Variants in PRKG1 observed in about 807,000 individuals in gnomAD.
PRKG1 encodes cGMP-dependent protein kinase 1.
Under a neutral mutation model 88.1 loss-of-function variants are expected in PRKG1, and 35 were observed. The observed-to-expected ratio is 0.40, with a 90% CI of 0.30 to 0.53. The LOEUF (loss-of-function observed/expected upper bound fraction) is 0.53, where lower values mean the gene tolerates loss of function less well. Ranked by LOEUF, PRKG1 falls within the 20% of genes least tolerant of loss-of-function variation. The pLI is 0.59. For synonymous variants in PRKG1, 303 were observed against 292.5 expected, an observed-to-expected ratio of 1.04 and a Z score of -0.37; for missense variants, 540 against 839.8, an observed-to-expected ratio of 0.64 and a Z score of 4.41.
At chr10:51,181,224 AT>A (rs1223588085) in intron 2 of PRKG1, among the ~76,000 whole-genome samples, 79 of 78,274 alleles carry the variant, frequency 1.0e-3, no homozygotes, top group East Asian at 7.2e-3. Flanking sequence ...ATTATATAGA[AT>A]TTTTTTTTTT....
chr10:51,938,277 T>C (rs1315336044), intron 5 of PRKG1, among the ~76,000 whole-genome samples: 2 of 152,038 alleles, frequency 1.3e-5, no homozygotes, highest in Non-Finnish European at 2.9e-5. Context: ...TAGTTATTAG[T>C]CTCTTACTGT....
chr10:52,052,133 A>G (rs1846002307), intron 5 of PRKG1, among the ~76,000 whole-genome samples: 1 of 152,168 alleles, frequency 6.6e-6, no homozygotes, highest in Non-Finnish European at 1.5e-5. Flanking sequence ...CATATTTCAA[A>G]TGCTCAGTAG....
At chr10:51,749,928 T>C (rs371782378) in intron 3 of PRKG1, among the ~76,000 whole-genome samples, 3 of 149,824 alleles carry the variant, frequency 2.0e-5, no homozygotes, top group South Asian at 4.2e-4. Flanking sequence ...GTATCTCTAA[T>C]AGTCTTTTTT....
chr10:51,131,332 G>C (rs1485739668), intron 1 of PRKG1, among the ~76,000 whole-genome samples: 1 of 152,082 alleles, frequency 6.6e-6, no homozygotes. Flanking sequence ...TTCTGAGGAA[G>C]GCCTCAAAAA....
In PRKG1 at chr10:51,301,214, C is replaced by T. The variant is rs183976739; in HGVS notation, c.478+147884C>T. ...AAGAAATCATTGTGCTCTGCTTAAG[C>T]CCCATGCTGAGTTCATTTTACTGAC... On this transcript the variant is annotated intron_variant, in intron 2 of 17. Transcript: ENST00000373980. 7.2e-4 allele frequency among the ~76,000 whole-genome samples: 109 copies of T among 152,238 alleles called. 1 individual carries two copies. The highest frequency in any genetic ancestry group is 2.4e-3 in the African/African-American group (101 of 41,556).
At chr10:51,763,559 T>C (rs972147901) in intron 3 of PRKG1, among the ~76,000 whole-genome samples, 3 of 149,832 alleles carry the variant, frequency 2.0e-5, no homozygotes, top group Non-Finnish European at 4.4e-5. Context: ...AGCCACATTA[T>C]ATATTTTAAA....
chr10:51,457,827 A>T (rs1839630073), intron 2 of PRKG1, among the ~76,000 whole-genome samples: 1 of 152,068 alleles, frequency 6.6e-6, no homozygotes. Context: ...TCTTACCCTC[A>T]GTTTTTCCTT....
At chr10:51,120,540 T>C (rs1845236320) in intron 1 of PRKG1, among the ~76,000 whole-genome samples, 1 of 152,122 alleles carries the variant, frequency 6.6e-6, no homozygotes, top group Admixed American at 6.6e-5. Flanking sequence ...GCTGAAAAGT[T>C]CAGCTCTGTC....
intron 1 of PRKG1, among the ~76,000 whole-genome samples, chr10:51,028,773 T>C (rs1468288773): frequency 6.6e-6 from 1 of 152,154 alleles, no homozygotes; most frequent in African/African-American, 2.4e-5. Flanking sequence ...ATAATTTTTC[T>C]TTAGAAACAT....
At chr10:51,328,104 G>A (rs1045267644) in intron 2 of PRKG1, among the ~76,000 whole-genome samples, 6 of 152,044 alleles carry the variant, frequency 3.9e-5, no homozygotes, top group East Asian at 1.9e-4. Context: ...TGTATCCTTC[G>A]ACCAATATCT....
intron 4 of PRKG1, among the ~76,000 whole-genome samples, chr10:51,852,345 C>A (rs1840579551): frequency 6.6e-6 from 1 of 150,868 alleles, no homozygotes; most frequent in Admixed American, 6.6e-5. Context: ...TACACACACA[C>A]ACATACATAG....
At chr10:51,982,999 C>T (rs111930549) in intron 5 of PRKG1, among the ~76,000 whole-genome samples, 3 of 152,072 alleles carry the variant, frequency 2.0e-5, no homozygotes, top group African/African-American at 7.2e-5. Context: ...GGGGATGGGG[C>T]ACTGGTGGCC....
chr10:51,263,468 T>G (rs921254785), intron 2 of PRKG1, among the ~76,000 whole-genome samples: 1 of 152,218 alleles, frequency 6.6e-6, no homozygotes, highest in Non-Finnish European at 1.5e-5. Flanking sequence ...TTCCAGACAT[T>G]GCTCTAATTA....
intron 1 of PRKG1, among the ~76,000 whole-genome samples, chr10:51,035,447 TTG>T (rs1843340720): frequency 6.6e-6 from 1 of 152,154 alleles, no homozygotes; most frequent in African/African-American, 2.4e-5. Flanking sequence ...GTGGTCTCGG[TTG>T]TAGTGTCAGG....
chr10:51,081,225 G>A (rs1332223131), intron 1 of PRKG1, among the ~76,000 whole-genome samples: 5 of 152,192 alleles, frequency 3.3e-5, no homozygotes, highest in African/African-American at 9.7e-5. Context: ...AAGCTGGAGA[G>A]TAGAGTGAGA....
chr10:52,078,940 TC>T (rs1319577688), intron 7 of PRKG1, among the ~76,000 whole-genome samples: 1 of 152,248 alleles, frequency 6.6e-6, no homozygotes, highest in Non-Finnish European at 1.5e-5. Flanking sequence ...GGATCATGGA[TC>T]CTGGGTCTCC....
At chr10:51,663,963 A>T (rs1840363006) in intron 3 of PRKG1, among the ~76,000 whole-genome samples, 1 of 152,046 alleles carries the variant, frequency 6.6e-6, no homozygotes, top group Admixed American at 6.6e-5. Flanking sequence ...TAGAAACTGA[A>T]TTTTATTAAT....
intron 3 of PRKG1, among the ~76,000 whole-genome samples, chr10:51,585,662 T>C (rs1262292904): frequency 2.0e-5 from 3 of 152,144 alleles, no homozygotes; most frequent in Non-Finnish European, 4.4e-5. Context: ...AAAAAGCACA[T>C]GAACTTGTAC....
At chr10:52,126,478 CT>C (rs967800683) in intron 7 of PRKG1, among the ~76,000 whole-genome samples, 55 of 152,048 alleles carry the variant, frequency 3.6e-4, no homozygotes, top group Middle Eastern at 3.4e-3. Flanking sequence ...TATTTTCCCC[CT>C]TTTTTTGTAA....
Sources: allele counts gnomAD v4.1 joint callset (sites outside exome capture counted in the v4.1 genomes callset), GRCh38; gene constraint gnomAD v4.1.1; transcripts MANE v1.5; gene names NCBI Gene and HGNC (gene_info 2026-07-23, HGNC 2026-07-21).